The following SLC25A16 variants were observed in gnomAD, a reference collection of about 807,000 sequenced individuals.
SLC25A16 encodes solute carrier family 25 member 16, also known as mitochondrial coenzyme A transporter SLC25A16.
In SLC25A16, 39 loss-of-function variants were observed where a neutral mutation model predicts 41.5. The ratio of observed to expected loss-of-function variants is 0.94; its 90% CI spans 0.73 to 1.23. The LOEUF is 1.23. SLC25A16 is among the 50% of genes most tolerant of loss of function. The pLI, the probability that SLC25A16 is intolerant of heterozygous loss-of-function variation, is 0.00. For missense variants in SLC25A16, 421 were observed against 426.9 expected, an observed-to-expected ratio of 0.99 and a Z score of 0.12; for synonymous variants, 146 against 147.8, an observed-to-expected ratio of 0.99 and a Z score of 0.09.
At chr10:68,490,964 G>A (rs1370986781) in intron 6 of SLC25A16, among the ~76,000 whole-genome samples, 2 of 151,656 alleles carry the variant, frequency 1.3e-5, no homozygotes, top group Admixed American at 6.6e-5. Context: ...ATCACAGCTC[G>A]CTGAAGCCTC....
At chr10:68,516,251 C>G (rs1231711598) in intron 2 of SLC25A16, among the ~76,000 whole-genome samples, 1 of 152,150 alleles carries the variant, frequency 6.6e-6, no homozygotes, top group Non-Finnish European at 1.5e-5. Context: ...CATGTCCACC[C>G]TACTGCTGTG....
intron 4 of SLC25A16, among the ~76,000 whole-genome samples, chr10:68,497,141 T>C (rs752174002): frequency 2.6e-5 from 4 of 152,242 alleles, no homozygotes; most frequent in Admixed American, 2.0e-4. Context: ...GGAAGTGGAT[T>C]TGTTCTCAAA....
intron 4 of SLC25A16, among the ~76,000 whole-genome samples, chr10:68,494,995 A>G (rs1159027908): frequency 1.3e-5 from 2 of 151,526 alleles, no homozygotes; most frequent in Non-Finnish European, 2.9e-5. Context: ...AAGGTAAAGG[A>G]GGTGTGTGGG....
rs565904986 is a variant in SLC25A16, at chr10:68,486,012, G to A, written c.842+1132C>T. On this transcript the variant is annotated intron_variant, in intron 8 of 8. Transcript: ENST00000609923. ...CGGGATTTCACCATGTTAGCCAGGAGTACCAGACCAGCCTTGCCAACGTGG... is the reference window on the plus strand; with the variant it reads ...CGGGATTTCACCATGTTAGCCAGGAATACCAGACCAGCCTTGCCAACGTGG... Among the ~76,000 whole-genome samples the A allele has an allele frequency of 2.2e-4, 33 of 150,918 alleles. No homozygotes were observed. The South Asian group carries it at 6.3e-3, about 29-fold the overall frequency.
intron 6 of SLC25A16, among the ~76,000 whole-genome samples, chr10:68,491,252 G>A (rs2052652607): frequency 6.6e-6 from 1 of 151,068 alleles, no homozygotes; most frequent in Non-Finnish European, 1.5e-5. Flanking sequence ...TTGAGACAGA[G>A]TTTTGCTCTT....
chr10:68,493,079 A>T, intron 6 of SLC25A16, 53 bp downstream of exon 6: 2 of 994,824 alleles, frequency 2.0e-6, no homozygotes, highest in Non-Finnish European at 3.1e-6. Context: ...AAAAAAAAAA[A>T]GGTAACAAAT....
chr10:68,504,202 A>G (rs1255118176), intron 3 of SLC25A16, among the ~76,000 whole-genome samples: 1 of 151,412 alleles, frequency 6.6e-6, no homozygotes, highest in East Asian at 1.9e-4. Context: ...TTTTTAGTAG[A>G]GACGGGGTTT....
chr10:68,501,498 A>G (rs1266333618), intron 4 of SLC25A16, among the ~76,000 whole-genome samples: 1 of 149,906 alleles, frequency 6.7e-6, no homozygotes, highest in Non-Finnish European at 1.5e-5. Flanking sequence ...AACAAAAACA[A>G]AAAAAAAAGG....
At chr10:68,502,991 G>A (rs572675992) in intron 4 of SLC25A16, among the ~76,000 whole-genome samples, 1 of 149,018 alleles carries the variant, frequency 6.7e-6, no homozygotes, top group South Asian at 2.2e-4. Flanking sequence ...AGAGGGAAGA[G>A]GAGAGAGAAG....
At chr10:68,527,120 G>T in intron 1 of SLC25A16, 126 bp downstream of exon 1, 1 of 993,298 alleles carries the variant, frequency 1.0e-6, no homozygotes, top group South Asian at 1.7e-5. Flanking sequence ...GGTCAGGGCA[G>T]ACATCTAACA....
rs571095977 is a variant in SLC25A16 at position 68,505,602 on chromosome 10, G to A, written c.357+983C>T. Among the ~76,000 whole-genome samples the A allele has an allele frequency of 6.6e-5, 10 of 151,802 alleles. No homozygotes were observed. In the East Asian group the frequency reaches 1.6e-3, roughly 24 times the overall value. The stretch of plus-strand genomic sequence containing the variant: ...AGCCTGACCAACATGGTGAAACCCC[G>A]CCTCTACTAAAAATACAAAATTAGC... On this transcript the variant is annotated intron_variant, in intron 3 of 8. Transcript: ENST00000609923.
intron 6 of SLC25A16, among the ~76,000 whole-genome samples, chr10:68,491,831 T>C (rs12775140): frequency 2.6e-5 from 4 of 152,216 alleles, no homozygotes; most frequent in East Asian, 1.9e-4. Flanking sequence ...GATTGATTGA[T>C]TGACTGATTG....
rs982912048 is a variant in SLC25A16 at position 68,487,192 on chromosome 10, C to T, written c.794G>A (p.Arg265His). The T allele has an allele frequency of 3.7e-6, 6 of 1,613,340 alleles. No homozygotes were observed. The highest frequency in any genetic ancestry group is 4.2e-6 in the Non-Finnish European group (5 of 1,179,730). ...AACAGTTCCTAATTGCATTCGCCGA[C>T]GAGTCACATCAAATGGGTAGCTAAA... is the stretch of plus-strand genomic sequence containing the variant. ...QTISYPFDVT[R>H]RRMQLGTVLP... Residue 265 changes from arginine (R) to histidine (H), a missense_variant, in exon 8 of 9, where the codon CGT (arginine) becomes CAT (histidine). Transcript: ENST00000609923.
At chr10:68,514,368 C>T (rs2053122698) in intron 2 of SLC25A16, among the ~76,000 whole-genome samples, 1 of 151,798 alleles carries the variant, frequency 6.6e-6, no homozygotes, top group East Asian at 1.9e-4. Context: ...TGGTGGTGCA[C>T]GCCTATAGTC....
At chr10:68,494,862 A>G (rs60212672) in intron 4 of SLC25A16, among the ~76,000 whole-genome samples, 2,744 of 150,498 alleles carry the variant, frequency 0.018, 100 homozygotes, top group African/African-American at 0.063. Context: ...CCGGGCGACA[A>G]GAGTAAAACT....
chr10:68,527,354 C>T lies in SLC25A16; in HGVS notation c.22G>A (p.Ala8Thr). The stretch of plus-strand genomic sequence containing the variant: ...GGGGGATCGGCCGCCGCCAGGGCTG[C>T]CGCGGCCGTCGCCGCCGCCATCAGG... MAAATAA[A>T]ALAAADPPPA... The change falls in exon 1 of 9, where the codon GCA (alanine) becomes ACA (threonine). Residue 8 changes from alanine (A) to threonine (T), a missense_variant. Physicochemically the swap from Ala to Thr is moderately conservative, Grantham distance 58. Transcript: ENST00000609923. 1 of 1,508,142 alleles carries T rather than the reference C, an allele frequency of 6.6e-7. No homozygotes were observed. The highest frequency in any genetic ancestry group is 8.8e-7 in the Non-Finnish European group (1 of 1,133,024). 93.4% of individuals were successfully genotyped at this position (1,508,142 alleles called of 1,614,324 possible). A position where few individuals can be genotyped will look rare whatever the true frequency, so the allele number is the denominator to read the frequency against.
intron 2 of SLC25A16, among the ~76,000 whole-genome samples, chr10:68,513,316 G>C (rs1027672720): frequency 1.3e-5 from 2 of 150,682 alleles, no homozygotes; most frequent in Non-Finnish European, 2.9e-5. Context: ...GGCTGACACA[G>C]GAGAACTGCT....
At chr10:68,516,932 A>G in intron 1 of SLC25A16, 89 bp from the exon 2 acceptor site, 1 of 1,136,234 alleles carries the variant, frequency 8.8e-7, no homozygotes, top group Non-Finnish European at 1.3e-6. Context: ...AAACCCTCTA[A>G]TCTCTAATTC....
At position 68,479,570 on chromosome 10, in the gene SLC25A16, T is replaced by TCGG. The variant is rs1021556446; in HGVS notation, c.*3859_*3861dup. 10 of 144,094 alleles carry TCGG rather than the reference T, an allele frequency of 6.9e-5. No homozygotes were observed. Among genetic ancestry groups the TCGG allele is most frequent in the African/African-American group, 2.5e-4 (9 of 36,166 alleles). 8.9% of individuals were successfully genotyped at this position (144,094 alleles called of 1,614,324 possible). On this transcript the variant is annotated 3_prime_UTR_variant, in exon 9 of 9. Transcript: ENST00000609923. ...CCAGTAGTCCCAGCATTTTGGGAAG[T>TCGG]CGGGGGGGCAGATCACTTGAGGTCA...
Sources: allele counts gnomAD v4.1 joint callset (sites outside exome capture counted in the v4.1 genomes callset), GRCh38; gene constraint gnomAD v4.1.1; transcripts MANE v1.5; gene names NCBI Gene and HGNC (gene_info 2026-07-23, HGNC 2026-07-21).